Variants in MIB1 observed in about 807,000 individuals in gnomAD.
The protein encoded by MIB1 is E3 ubiquitin-protein ligase MIB1.
A neutral mutation model predicts 124.5 loss-of-function variants in MIB1; 278 were observed. The ratio of observed to expected loss-of-function variants is 2.23; its 90% confidence interval spans 2.02 to 2.47. The LOEUF (loss-of-function observed/expected upper bound fraction) is 2.47. Among genes scored for constraint, MIB1 ranks in the 30% most tolerant of loss-of-function variants. MIB1 has a pLI of 0.00. For synonymous variants in MIB1, 446 were observed against 429.4 expected (o/e 1.04, Z -0.48); for missense variants, 957 against 1,254.4 (o/e 0.76, Z 3.58).
chr18:21,705,429 G>C (rs1415704203), intron 1 of MIB1, among the ~76,000 whole-genome samples: 1 of 152,178 alleles, frequency 6.6e-6, no homozygotes, highest in Non-Finnish European at 1.5e-5. Context: ...TGAATTTAGA[G>C]ACTTATGGAA....
chr18:21,808,702 C>A (rs559800606), intron 10 of MIB1, among the ~76,000 whole-genome samples: 1 of 151,966 alleles, frequency 6.6e-6, no homozygotes. Context: ...TCTTCTTTAA[C>A]GTATAGGTAA....
chr18:21,859,289 G>T (rs912084320), intron 20 of MIB1, among the ~76,000 whole-genome samples: 1 of 151,796 alleles, frequency 6.6e-6, no homozygotes, highest in Non-Finnish European at 1.5e-5. Flanking sequence ...CAACTACTTG[G>T]AGGCTGAGGT....
In MIB1 at chr18:21,853,219, G is replaced by A. The variant is rs945454659; in HGVS notation, c.2665+1G>A. 6.2e-6 allele frequency: 10 copies of A among 1,600,996 alleles called. No individual in the cohort carries two copies. Among genetic ancestry groups the A allele is most frequent in the Non-Finnish European group, 8.6e-6 (10 of 1,168,718 alleles). Reference sequence around the variant, plus strand: ...TGTGGCCACATGTGTGCTTGTGAGAGTAAGTAGCCTATGCAGAGTTCCTCA... The same window carrying A: ...TGTGGCCACATGTGTGCTTGTGAGAATAAGTAGCCTATGCAGAGTTCCTCA... On this transcript the variant is annotated splice_donor_variant, in intron 18 of 20. Transcript: ENST00000261537. LOFTEE classifies it high-confidence loss of function.
chr18:21,750,985 C>T (rs1014022571), intron 1 of MIB1, among the ~76,000 whole-genome samples: 16 of 151,954 alleles, frequency 1.1e-4, no homozygotes, highest in African/African-American at 3.4e-4. Context: ...TTGCTTGAGC[C>T]CAGGGATTTG....
At chr18:21,815,011 T>TTTTATATATATATA (rs2041812523) in intron 10 of MIB1, among the ~76,000 whole-genome samples, 1 of 52,652 alleles carries the variant, frequency 1.9e-5, no homozygotes. Flanking sequence ...GCTGTTGGTT[T>TTTTATATATATATA]TATATATATA....
upstream of MIB1, among the ~76,000 whole-genome samples, chr18:21,736,097 A>T (rs1307736290): frequency 6.6e-6 from 1 of 152,222 alleles, no homozygotes; most frequent in African/African-American, 2.4e-5. Context: ...ACCTCCCAGT[A>T]GGGGCCGACA....
At chr18:21,797,451 A>AT in intron 7 of MIB1, among the ~76,000 whole-genome samples, 1 of 152,118 alleles carries the variant, frequency 6.6e-6, no homozygotes, top group African/African-American at 2.4e-5. Flanking sequence ...TAGAATTAGT[A>AT]TGTGTATGTG....
intron 7 of MIB1, among the ~76,000 whole-genome samples, chr18:21,794,447 C>CTT (rs945788181): frequency 7.2e-6 from 1 of 138,048 alleles, no homozygotes; most frequent in East Asian, 2.0e-4. Flanking sequence ...AATAGCCTCT[C>CTT]TCTCTCTCTC....
chr18:21,814,887 C>T (rs1308741340), intron 10 of MIB1, among the ~76,000 whole-genome samples: 2 of 149,136 alleles, frequency 1.3e-5, no homozygotes, highest in Non-Finnish European at 3.0e-5. Flanking sequence ...GACCCTGATT[C>T]TTTAAAAACA....
At chr18:21,738,855 A>C (rs1454812421), upstream of MIB1, among the ~76,000 whole-genome samples, 4 of 134,588 alleles carry the variant, frequency 3.0e-5, no homozygotes, top group African/African-American at 5.5e-5. Flanking sequence ...AAAAAAAAAA[A>C]AAAAAAAAAA....
At chr18:21,834,203 C>T (rs961549459) in intron 12 of MIB1, among the ~76,000 whole-genome samples, 15 of 152,142 alleles carry the variant, frequency 9.9e-5, no homozygotes, top group Middle Eastern at 3.2e-3. Flanking sequence ...CTGCTGTTGA[C>T]GTGAGAGTGA....
Position 21,761,400 on chromosome 18 carries a change from C to T in MIB1, c.230-4372C>T, listed in dbSNP as rs189654262. 1.2e-3 allele frequency among the ~76,000 whole-genome samples: 184 copies of T among 152,244 alleles called. 4 individuals are homozygous for T. The highest frequency in any genetic ancestry group is 0.012 in the Admixed American group (184 of 15,284). ...CATTTAATTAGTTTTTTAAAATTCA[C>T]ACTTTAATACTGAAATACAGGTATA... On this transcript the variant is annotated intron_variant, in intron 1 of 20. Coordinates refer to ENST00000261537, the MANE Select transcript of MIB1 (RefSeq NM_020774.4).
At chr18:21,790,704 G>A (rs984787026) in intron 6 of MIB1, among the ~76,000 whole-genome samples, 7 of 152,274 alleles carry the variant, frequency 4.6e-5, no homozygotes, top group Non-Finnish European at 1.0e-4. Context: ...GGATGGGAAT[G>A]GTGATCCAGC....
chr18:21,833,503 A>G (rs1181638871), intron 12 of MIB1, among the ~76,000 whole-genome samples: 1 of 152,156 alleles, frequency 6.6e-6, no homozygotes, highest in Admixed American at 6.5e-5. Flanking sequence ...TTGTTTATTA[A>G]TTTACCAAGC....
chr18:21,782,418 T>C lies in MIB1; in HGVS notation c.908+2733T>C, dbSNP rs183221021. 5.4e-4 allele frequency among the ~76,000 whole-genome samples: 82 copies of C among 152,354 alleles called. No individual in the cohort carries two copies. The East Asian group carries it at 0.015, about 29-fold the overall frequency. On this transcript the variant is annotated intron_variant, in intron 6 of 20. Transcript: ENST00000261537. ...GATTATAGGCATGAACCACTGCATCTGGCGTTAAATTATTGATCAGGTGTT... is the reference window on the plus strand; with the variant it reads ...GATTATAGGCATGAACCACTGCATCCGGCGTTAAATTATTGATCAGGTGTT...
intron 1 of MIB1, among the ~76,000 whole-genome samples, chr18:21,731,414 G>A (rs1427736266): frequency 3.3e-5 from 5 of 152,162 alleles, no homozygotes; most frequent in Non-Finnish European, 5.9e-5. Flanking sequence ...AAGGACAGAT[G>A]ATATTTTTGC....
chr18:21,868,751 A>G lies in MIB1; in HGVS notation c.*4085A>G, dbSNP rs1436916475. ...ATATAGCCTAGGAAATTTAACATAT[A>G]TATAACTATAGCAGTATTAATAATG... On this transcript the variant is annotated 3_prime_UTR_variant, in exon 21 of 21. Coordinates refer to ENST00000261537, the MANE Select transcript of MIB1 (RefSeq NM_020774.4). The G allele has an allele frequency of 1.3e-5, 2 of 152,486 alleles. No homozygotes were observed. The highest frequency in any genetic ancestry group is 2.4e-5 in the African/African-American group (1 of 41,466). The allele number at this position is 152,486 out of a possible 1,614,324, so 9.4% of individuals were successfully genotyped here. A position where few individuals can be genotyped will look rare whatever the true frequency, so the allele number is the denominator to read the frequency against.
In MIB1 at chr18:21,791,463, T is replaced by C; in HGVS notation, c.998T>C (p.Phe333Ser). ...GGTGCAGAAGGAGGCACCTCGCAGT[T>C]TCAAGTGGGTGATCTTGTACAAGTT... ...AQGAEGGTSQ[F>S]QVGDLVQVCY... is the part of the protein sequence containing the mutation. Residue 333 changes from phenylalanine (F) to serine (S), a missense_variant, in exon 7 of 21, where the codon TTT becomes TCT. Phe to Ser is a radical substitution (Grantham distance 155). Transcript: ENST00000261537. 6.2e-7 allele frequency: 1 copy of C among 1,614,080 alleles called. No individual in the cohort carries two copies. Among genetic ancestry groups the C allele is most frequent in the Non-Finnish European group, 8.5e-7 (1 of 1,179,980 alleles).
chr18:21,851,252 A>G (rs1300451025), intron 17 of MIB1, among the ~76,000 whole-genome samples: 1 of 152,178 alleles, frequency 6.6e-6, no homozygotes, highest in Non-Finnish European at 1.5e-5. Context: ...TGATGCATAG[A>G]CAAAATTAAG....
Sources: allele counts gnomAD v4.1 joint callset (sites outside exome capture counted in the v4.1 genomes callset), GRCh38; gene constraint gnomAD v4.1.1; transcripts MANE v1.5; gene names NCBI Gene and HGNC (gene_info 2026-07-23, HGNC 2026-07-21).